Variants in MTMR1 observed in about 807,000 individuals in gnomAD.
MTMR1 encodes the protein phosphatidylinositol-3-phosphate phosphatase MTMR1.
Under a neutral mutation model 51.6 loss-of-function variants are expected in MTMR1, and 17 were observed. The observed-to-expected ratio is 0.33, with a 90% CI of 0.23 to 0.49. The LOEUF (loss-of-function observed/expected upper bound fraction) is 0.49. MTMR1 is among the 20% of genes least tolerant of loss of function. The probability of loss-of-function intolerance (pLI) is 0.99; values close to 1 mark genes in which losing one functional copy is unlikely to be tolerated. For synonymous variants in MTMR1, 201 were observed against 205.6 expected, an observed-to-expected ratio of 0.98 and a Z score of 0.19; for missense variants, 386 against 526.9, an observed-to-expected ratio of 0.73 and a Z score of 2.62.
chrX:150,732,036 G>T (rs141463377), intron 9 of MTMR1, among the ~76,000 whole-genome samples: 1 of 111,762 alleles, frequency 8.9e-6, no homozygotes, highest in South Asian at 3.8e-4. Flanking sequence ...GTAGCAGACA[G>T]CTGGGAGTAA....
chrX:150,727,653 A>G (rs1407270249), intron 5 of MTMR1, 31 bp from the exon 6 acceptor site: 2 of 1,051,192 alleles, frequency 1.9e-6, no homozygotes, highest in Non-Finnish European at 2.7e-6. Flanking sequence ...GACTGACACT[A>G]ATAGGCATTG....
chrX:150,728,919 C>T (rs1324203417), intron 6 of MTMR1, among the ~76,000 whole-genome samples: 7 of 108,781 alleles, frequency 6.4e-5, no homozygotes, highest in Non-Finnish European at 1.3e-4. Context: ...TGTTGGCTTA[C>T]TAAACTCACT....
intron 1 of MTMR1, among the ~76,000 whole-genome samples, chrX:150,697,449 T>G (rs1169520040): frequency 1.8e-5 from 2 of 112,099 alleles, no homozygotes; most frequent in African/African-American, 6.5e-5. Context: ...ATATGATTTT[T>G]TTTTTAAAGG....
chrX:150,751,276 A>G, intron 14 of MTMR1: 1 of 715,505 alleles, frequency 1.4e-6, no homozygotes, highest in Middle Eastern at 4.5e-4. Flanking sequence ...CAAAGTAGTA[A>G]AGAAGCAGTT....
intron 14 of MTMR1, among the ~76,000 whole-genome samples, chrX:150,751,910 C>CTTTTT (rs35937277): frequency 1.9e-4 from 8 of 41,606 alleles, no homozygotes; most frequent in South Asian, 1.2e-3. Context: ...CTTTTTCTTT[C>CTTTTT]TTTTTTTTTT....
chrX:150,743,705 C>A (rs782552965), intron 12 of MTMR1, among the ~76,000 whole-genome samples: 10 of 112,343 alleles, frequency 8.9e-5, no homozygotes, highest in Non-Finnish European at 1.7e-4. Flanking sequence ...TTACTTGTGG[C>A]ATTTTCAGTG....
Position 150,737,433 on chromosome X carries a change from A to G in MTMR1, c.1458A>G (p.Gly486=), listed in dbSNP as rs909212899. 53 of 1,209,276 alleles carry G rather than the reference A, an allele frequency of 4.4e-5. No individual in the cohort carries two copies. Among genetic ancestry groups the G allele is most frequent in the Non-Finnish European group, 5.7e-5 (51 of 894,562 alleles). Residue 486 remains glycine (G), a synonymous_variant, in exon 12 of 16, where the codon GGA becomes GGG. Transcript: ENST00000445323. ...TLVEKEWISF[G]HRFALRVGHG... is the part of the protein sequence containing the mutation. ...TAGAAAAGGAGTGGATAAGCTTTGG[A>G]CACAGGTTTGCACTGGTAAGTTCAG...
chrX:150,735,880 G>C, intron 10 of MTMR1: 1 of 135,526 alleles, frequency 7.4e-6, no homozygotes, highest in South Asian at 3.1e-4. Flanking sequence ...GGACAACTCT[G>C]TGCACATCCC....
chrX:150,705,815 TTAGTG>T (rs2041080561), intron 2 of MTMR1, among the ~76,000 whole-genome samples: 2 of 111,634 alleles, frequency 1.8e-5, no homozygotes, highest in Non-Finnish European at 3.8e-5. Flanking sequence ...ATAAGTGAGT[TTAGTG>T]AGGTCACAGG....
intron 1 of MTMR1, 71 bp from the exon 2 acceptor site, chrX:150,699,124 C>T: frequency 1.6e-6 from 1 of 606,969 alleles, no homozygotes; most frequent in Non-Finnish European, 2.5e-6. Flanking sequence ...TTATCATATT[C>T]CTATTCAGTG....
intron 2 of MTMR1, among the ~76,000 whole-genome samples, chrX:150,704,688 G>A (rs782293360): frequency 5.4e-5 from 6 of 112,054 alleles, no homozygotes; most frequent in South Asian, 7.4e-4. Flanking sequence ...GGCTGAGTAC[G>A]GAACCTGGAC....
intron 10 of MTMR1, among the ~76,000 whole-genome samples, chrX:150,733,179 G>A (rs1557417057): frequency 9.0e-6 from 1 of 111,472 alleles, no homozygotes; most frequent in Non-Finnish European, 1.9e-5. Flanking sequence ...GTGTACCTCG[G>A]GTGGCAGTGA....
intron 10 of MTMR1, among the ~76,000 whole-genome samples, chrX:150,735,081 A>G (rs1433375247): frequency 8.9e-6 from 1 of 112,027 alleles, no homozygotes; most frequent in Non-Finnish European, 1.9e-5. Flanking sequence ...AGAGATTTAA[A>G]TGATGCAGCT....
intron 10 of MTMR1, among the ~76,000 whole-genome samples, chrX:150,733,662 T>C (rs2042182701): frequency 1.8e-5 from 2 of 111,341 alleles, no homozygotes; most frequent in Admixed American, 9.6e-5. Flanking sequence ...GCCGGTTACT[T>C]AACCTCTCTC....
chrX:150,761,441 G>A (rs376440059), intron 15 of MTMR1, among the ~76,000 whole-genome samples: 4 of 112,578 alleles, frequency 3.6e-5, no homozygotes, highest in African/African-American at 9.7e-5. Context: ...TGGCACACAC[G>A]GTGGAACAGC....
At chrX:150,751,987 G>A (rs1249398449) in intron 14 of MTMR1, among the ~76,000 whole-genome samples, 3 of 93,523 alleles carry the variant, frequency 3.2e-5, no homozygotes, top group East Asian at 3.4e-4. Context: ...CGCCATCTCA[G>A]CTCACTGCAA....
chrX:150,701,141 C>T (rs1267327085), intron 2 of MTMR1, among the ~76,000 whole-genome samples: 1 of 111,828 alleles, frequency 8.9e-6, no homozygotes, highest in African/African-American at 3.3e-5. Context: ...GCCCTGCAGC[C>T]AAATCTGAAA....
At chrX:150,746,546 A>G (rs782323330) in intron 13 of MTMR1, among the ~76,000 whole-genome samples, 3 of 112,752 alleles carry the variant, frequency 2.7e-5, no homozygotes, top group Admixed American at 9.4e-5. Context: ...AAAATTGCAT[A>G]AAAAGGTTGA....
Position 150,764,311 on chromosome X carries a change from CAG to C in MTMR1, c.*1588_*1589del, listed in dbSNP as rs2043229516. ...AAATTATCCTTCTATAAGAAGATAC[CAG>C]AGAGATTTATTCAAGGTAATTTGAT... On this transcript the variant is annotated 3_prime_UTR_variant, in exon 16 of 16. Coordinates refer to ENST00000445323, the MANE Select transcript of MTMR1 (RefSeq NM_001306144.3). The C allele has an allele frequency of 9.0e-6, 1 of 111,317 alleles. No individual in the cohort carries two copies. Among genetic ancestry groups the C allele is most frequent in the Non-Finnish European group, 1.9e-5 (1 of 53,207 alleles). 9.2% of individuals were successfully genotyped at this position (111,317 alleles called of 1,213,427 possible). A position where few individuals can be genotyped will look rare whatever the true frequency, so the allele number is the denominator to read the frequency against.
Sources: gnomAD v4.1 joint callset for allele counts (sites outside exome capture counted in the v4.1 genomes callset) on GRCh38, gnomAD v4.1.1 for gene constraint, MANE v1.5 for transcripts, NCBI Gene and HGNC (gene_info 2026-07-23, HGNC 2026-07-21) for gene names.